Variants in BAIAP2 observed in about 807,000 individuals in gnomAD.
BAIAP2 encodes BAR/IMD domain containing adaptor protein 2.
A neutral mutation model predicts 63.0 loss-of-function variants in BAIAP2; 18 were observed. The ratio of observed to expected loss-of-function variants is 0.29; its 90% CI spans 0.20 to 0.42. The LOEUF is 0.42. Among genes scored for constraint, BAIAP2 ranks in the 10% least tolerant of loss-of-function variants. The probability of loss-of-function intolerance (pLI) is 1.00; values close to 1 mark genes in which losing one functional copy is unlikely to be tolerated. For missense variants in BAIAP2, 610 were observed against 734.3 expected (o/e 0.83, Z 1.96); for synonymous variants, 386 against 307.6 (o/e 1.25, Z -2.67).
intron 6 of BAIAP2, among the ~76,000 whole-genome samples, chr17:81,091,581 A>C (rs767618544): frequency 6.6e-5 from 10 of 152,136 alleles, no homozygotes; most frequent in Non-Finnish European, 1.5e-4. Context: ...AGTTGTCCCC[A>C]ATCCTGAAGA....
intron 3 of BAIAP2, among the ~76,000 whole-genome samples, chr17:81,063,575 G>A (rs1047326943): frequency 7.2e-5 from 11 of 152,192 alleles, no homozygotes; most frequent in Admixed American, 3.3e-4. Context: ...GGAGGCGTTC[G>A]TCTCACTCCC....
chr17:81,081,116 T>C (rs1210450890), intron 3 of BAIAP2, among the ~76,000 whole-genome samples: 1 of 152,206 alleles, frequency 6.6e-6, no homozygotes, highest in Admixed American at 6.5e-5. Flanking sequence ...CAGTTCCCAG[T>C]GTCCAAGGGG....
rs373359879 is a variant in BAIAP2 at position 81,070,514 on chromosome 17, T to C, written c.217+12547T>C. On this transcript the variant is annotated intron_variant, in intron 3 of 13. Transcript: ENST00000428708. ...GCAAAGGAAGAGGCAAAAGGTGCTTTGGAGGGAGGAGAGAGGCACAGGGAG... is the reference window on the plus strand; with the variant it reads ...GCAAAGGAAGAGGCAAAAGGTGCTTCGGAGGGAGGAGAGAGGCACAGGGAG... 7.5e-3 allele frequency among the ~76,000 whole-genome samples: 1,139 copies of C among 152,196 alleles called. 15 individuals are homozygous for C. Among genetic ancestry groups the C allele is most frequent in the African/African-American group, 0.026 (1,080 of 41,532 alleles).
chr17:81,058,055 A>C, intron 3 of BAIAP2, 88 bp downstream of exon 3: 2 of 1,007,628 alleles, frequency 2.0e-6, no homozygotes, highest in Non-Finnish European at 2.7e-6. Flanking sequence ...CCGCTTTTTG[A>C]TTTGGGATCA....
Position 81,116,128 on chromosome 17 carries a change from C to T in BAIAP2, c.*289C>T. On this transcript the variant is annotated 3_prime_UTR_variant, in exon 14 of 14. Transcript: ENST00000428708. ...TCACATGGCCATGGAGCCTTGGGTA[C>T]CCCTGAGTTAAGGGAGGACATTTGG... The T allele has an allele frequency of 1.3e-6, 2 of 1,580,366 alleles. No individual in the cohort carries two copies. The highest frequency in any genetic ancestry group is 8.6e-7 in the Non-Finnish European group (1 of 1,164,334).
chr17:81,067,329 C>T (rs1161697073), intron 3 of BAIAP2, among the ~76,000 whole-genome samples: 1 of 152,242 alleles, frequency 6.6e-6, no homozygotes, highest in African/African-American at 2.4e-5. Flanking sequence ...TTCGCAGAGG[C>T]GCGTGCTCCT....
chr17:81,099,838 C>T (rs968208980), intron 6 of BAIAP2, 90 bp from the exon 7 acceptor site: 3 of 1,441,068 alleles, frequency 2.1e-6, no homozygotes, highest in South Asian at 1.3e-5. Context: ...TGAGACGTGT[C>T]CTTTGACTGA....
chr17:81,096,609 C>T (rs1393803722), intron 6 of BAIAP2, among the ~76,000 whole-genome samples: 1 of 152,230 alleles, frequency 6.6e-6, no homozygotes, highest in East Asian at 1.9e-4. Flanking sequence ...TGCACAAGCC[C>T]ACTTGTTTCT....
At chr17:81,099,217 T>TC (rs2058152569) in intron 6 of BAIAP2, among the ~76,000 whole-genome samples, 1 of 140,610 alleles carries the variant, frequency 7.1e-6, no homozygotes, top group African/African-American at 2.7e-5. Flanking sequence ...TGTCTGATCC[T>TC]CCCCACGAAC....
At chr17:81,064,302 G>T (rs1312912808) in intron 3 of BAIAP2, among the ~76,000 whole-genome samples, 2 of 152,318 alleles carry the variant, frequency 1.3e-5, no homozygotes, top group African/African-American at 4.8e-5. Flanking sequence ...AGGTGGCCTC[G>T]GGCTATGTAG....
In BAIAP2 at chr17:81,057,998, G is replaced by T. The variant is rs199869364; in HGVS notation, c.217+31G>T. ...ACCCCCCCCCCCCCCCCGCCTGGTAGTCGCCTGATGCCCTCAGGCAGCTCT... is the reference window on the plus strand; with the variant it reads ...ACCCCCCCCCCCCCCCCGCCTGGTATTCGCCTGATGCCCTCAGGCAGCTCT... On this transcript the variant is annotated intron_variant, in intron 3 of 13. Transcript: ENST00000428708. 3.0e-4 allele frequency: 393 copies of T among 1,324,876 alleles called. 3 individuals carry two copies. The African/African-American group carries it at 6.8e-3, about 23-fold the overall frequency. 82.1% of individuals were successfully genotyped at this position (1,324,876 alleles called of 1,614,324 possible).
intron 3 of BAIAP2, among the ~76,000 whole-genome samples, chr17:81,075,433 C>T (rs1010204377): frequency 2.0e-5 from 3 of 152,226 alleles, no homozygotes; most frequent in Non-Finnish European, 2.9e-5. Flanking sequence ...GGAGCTCGGC[C>T]GTCGCCTCAA....
intron 6 of BAIAP2, among the ~76,000 whole-genome samples, chr17:81,087,274 G>C (rs905238815): frequency 6.6e-6 from 1 of 152,256 alleles, no homozygotes; most frequent in African/African-American, 2.4e-5. Flanking sequence ...GCACCCTGGG[G>C]TGGGCAAGGT....
At position 81,084,892 on chromosome 17, in the gene BAIAP2, T is replaced by C. The variant is rs777643110; in HGVS notation, c.278T>C (p.Met93Thr). 2.4e-5 allele frequency: 38 copies of C among 1,613,476 alleles called. No homozygotes were observed. Among genetic ancestry groups the C allele is most frequent in the East Asian group, 1.6e-4 (7 of 44,884 alleles). The change falls in exon 4 of 14, where the codon ATG becomes ACG. Residue 93 changes from methionine to threonine, a missense_variant and splice_region_variant. Physicochemically the swap from Met to Thr is moderately conservative, Grantham distance 81. Coordinates refer to ENST00000428708, the MANE Select transcript of BAIAP2 (RefSeq NM_001144888.2). ...CAGATCCAGAATCAGCTGGAAGAAA[T>C]GGTGAGTCCACCCCCAGCGTGGCCC... ...HRQIQNQLEE[M>T]LKSFHNELLT...
intron 1 of BAIAP2, among the ~76,000 whole-genome samples, chr17:81,042,193 A>C (rs1384899567): frequency 7.0e-6 from 1 of 143,540 alleles, no homozygotes. Context: ...CCAGCCCGGA[A>C]GGCAATGGTG....
At chr17:81,114,562 C>T (rs2060297438) in intron 13 of BAIAP2, among the ~76,000 whole-genome samples, 1 of 152,206 alleles carries the variant, frequency 6.6e-6, no homozygotes, top group African/African-American at 2.4e-5. Context: ...CAGCAGGGTG[C>T]CAATGCTTAG....
chr17:81,080,007 A>G lies in BAIAP2; in HGVS notation c.218-4825A>G, dbSNP rs142483075. Reference sequence around the variant, plus strand: ...CGTCTCACCCCAAGGGAGGCTCTCAACGGCTGTGGAGCCCTCGCTACTCCG... The same window carrying G: ...CGTCTCACCCCAAGGGAGGCTCTCAGCGGCTGTGGAGCCCTCGCTACTCCG... On this transcript the variant is annotated intron_variant, in intron 3 of 13. Coordinates refer to ENST00000428708, the MANE Select transcript of BAIAP2 (RefSeq NM_001144888.2). Among the ~76,000 whole-genome samples, 326 of 152,258 alleles carry G rather than the reference A, an allele frequency of 2.1e-3. 1 individual carries two copies. Among genetic ancestry groups the G allele is most frequent in the African/African-American group, 7.5e-3 (313 of 41,560 alleles).
intron 1 of BAIAP2, among the ~76,000 whole-genome samples, chr17:81,039,724 G>C (rs1456597464): frequency 6.6e-6 from 1 of 152,062 alleles, no homozygotes; most frequent in Admixed American, 6.6e-5. Context: ...CCTTGTCTTC[G>C]ACTGAAGCTT....
At chr17:81,061,553 C>T (rs1024893780) in intron 3 of BAIAP2, among the ~76,000 whole-genome samples, 14 of 152,164 alleles carry the variant, frequency 9.2e-5, no homozygotes, top group African/African-American at 2.4e-4. Context: ...CCAGCTTCCT[C>T]GGGTGTGCGT....
Sources: gnomAD v4.1 joint callset for allele counts (sites outside exome capture counted in the v4.1 genomes callset) on GRCh38, gnomAD v4.1.1 for gene constraint, MANE v1.5 for transcripts, NCBI Gene and HGNC (gene_info 2026-07-23, HGNC 2026-07-21) for gene names.